Variants in DDX46 observed in about 807,000 individuals in gnomAD.
DDX46 encodes probable ATP-dependent RNA helicase DDX46.
In DDX46, 30 loss-of-function variants were observed where a neutral mutation model predicts 134.9. That is an observed-to-expected ratio of 0.22 (90% CI 0.17 to 0.30). The LOEUF (loss-of-function observed/expected upper bound fraction) is 0.30, where lower values mean the gene tolerates loss of function less well. Ranked by LOEUF, DDX46 falls within the 10% of genes least tolerant of loss-of-function variation. DDX46 has a pLI of 1.00. For missense variants in DDX46, 622 were observed against 1,248.7 expected (o/e 0.50, Z 7.56); for synonymous variants, 415 against 404.1 (o/e 1.03, Z -0.32).
At chr5:134,799,864 G>GTGAGA in intron 15 of DDX46, among the ~76,000 whole-genome samples, 1 of 151,916 alleles carries the variant, frequency 6.6e-6, no homozygotes, top group Non-Finnish European at 1.5e-5. Flanking sequence ...GGGCAACATA[G>GTGAGA]TGAGACTCTG....
Position 134,788,478 on chromosome 5 carries a change from AG to A in DDX46, c.1465-34del, listed in dbSNP as rs924165695. ...ATTTTTTAGTGTTTAAGTAAGCATTAGTAATAGACTATAAAGTTTCATCTTT... is the reference window on the plus strand; with the variant it reads ...ATTTTTTAGTGTTTAAGTAAGCATTATAATAGACTATAAAGTTTCATCTTT... On this transcript the variant is annotated intron_variant, in intron 11 of 22. Transcript: ENST00000452510. The A allele has an allele frequency of 1.9e-6, 3 of 1,549,716 alleles. No homozygotes were observed. The African/African-American group carries it at 4.1e-5, about 21-fold the overall frequency.
At chr5:134,798,573 C>G (rs1754737266) in intron 15 of DDX46, among the ~76,000 whole-genome samples, 1 of 152,226 alleles carries the variant, frequency 6.6e-6, no homozygotes, top group Non-Finnish European at 1.5e-5. Flanking sequence ...ACCTTCACTA[C>G]TGTCTATTTC....
chr5:134,759,166 G>T (rs1285452280), intron 1 of DDX46, among the ~76,000 whole-genome samples: 12 of 152,192 alleles, frequency 7.9e-5, no homozygotes, highest in African/African-American at 2.9e-4. Context: ...CCATCAGAGG[G>T]TTCGAGCCCC....
intron 21 of DDX46, chr5:134,826,137 G>A (rs983057115): frequency 6.6e-6 from 1 of 152,174 alleles, no homozygotes; most frequent in Non-Finnish European, 1.5e-5. Flanking sequence ...CCTAAAAGTG[G>A]TATTTAAAAG....
chr5:134,760,288 C>T (rs1306440620), intron 1 of DDX46, among the ~76,000 whole-genome samples: 3 of 152,136 alleles, frequency 2.0e-5, no homozygotes, highest in Non-Finnish European at 4.4e-5. Flanking sequence ...TGTGCATGGC[C>T]TGTGCTCTAG....
intron 16 of DDX46, among the ~76,000 whole-genome samples, chr5:134,809,872 G>T (rs768345591): frequency 5.9e-5 from 9 of 152,042 alleles, no homozygotes; most frequent in Non-Finnish European, 8.8e-5. Flanking sequence ...AATTAGCCGG[G>T]CATGGTGGCA....
At chr5:134,826,553 AT>A (rs1221743806) in intron 21 of DDX46, 1 of 154,908 alleles carries the variant, frequency 6.5e-6, no homozygotes, top group Non-Finnish European at 1.4e-5. Context: ...CTTCTGAAAC[AT>A]TTGTAGACTT....
rs1754602780 is a variant in DDX46, at chr5:134,794,845, C to T, written c.1627-5C>T. The T allele has an allele frequency of 6.2e-7, 1 of 1,612,322 alleles. No individual in the cohort carries two copies. Among genetic ancestry groups the T allele is most frequent in the Non-Finnish European group, 8.5e-7 (1 of 1,179,420 alleles). On this transcript the variant is annotated splice_region_variant and splice_polypyrimidine_tract_variant and intron_variant, in intron 13 of 22. Coordinates refer to ENST00000452510, the MANE Select transcript of DDX46 (RefSeq NM_001300860.2). ...TATTTATTTGTAATGTTTTCTTTTT[C>T]TCAGGTCATGCGCATCGTGGATAAT... is the stretch of plus-strand genomic sequence containing the variant.
intron 3 of DDX46, among the ~76,000 whole-genome samples, chr5:134,770,336 C>T (rs772020846): frequency 6.6e-6 from 1 of 151,924 alleles, no homozygotes; most frequent in East Asian, 1.9e-4. Context: ...TCTGCCTCCT[C>T]AGTAGGTAGG....
At chr5:134,762,341 C>T (rs1186431889) in intron 1 of DDX46, among the ~76,000 whole-genome samples, 1 of 151,854 alleles carries the variant, frequency 6.6e-6, no homozygotes, top group East Asian at 1.9e-4. Flanking sequence ...TTGCTGGGGC[C>T]CAGTAGGTTG....
chr5:134,761,621 A>G (rs1753389283), intron 1 of DDX46, among the ~76,000 whole-genome samples: 2 of 152,188 alleles, frequency 1.3e-5, no homozygotes. Context: ...TTTCAACTAT[A>G]TACTATATAT....
At chr5:134,787,489 C>T (rs554648994) in intron 11 of DDX46, among the ~76,000 whole-genome samples, 1 of 152,196 alleles carries the variant, frequency 6.6e-6, no homozygotes, top group Admixed American at 6.5e-5. Flanking sequence ...TACAAGAACA[C>T]ACTTCAAGAA....
intron 15 of DDX46, among the ~76,000 whole-genome samples, chr5:134,802,414 G>T (rs560865078): frequency 4.0e-5 from 6 of 151,442 alleles, no homozygotes; most frequent in Admixed American, 3.9e-4. Context: ...CACCCACCTC[G>T]GCCTCCCAAA....
At chr5:134,766,311 A>C (rs1753566138) in intron 2 of DDX46, among the ~76,000 whole-genome samples, 2 of 152,026 alleles carry the variant, frequency 1.3e-5, no homozygotes, top group South Asian at 4.2e-4. Context: ...TAATCCCAGC[A>C]CTTTGGGAGG....
intron 1 of DDX46, among the ~76,000 whole-genome samples, chr5:134,761,206 T>G (rs1046225437): frequency 6.6e-5 from 10 of 152,120 alleles, no homozygotes; most frequent in African/African-American, 2.4e-4. Flanking sequence ...TTGTATTTTT[T>G]GTAGAGACAG....
intron 6 of DDX46, among the ~76,000 whole-genome samples, chr5:134,780,130 GTGTGTGTGTATATGTATATATGTGCA>G (rs1754091186): frequency 6.8e-6 from 1 of 147,234 alleles, no homozygotes; most frequent in South Asian, 2.1e-4. Context: ...GTGTGTGTGT[GTGTGTGTGTATATGTATATATGTGCA>G]TGTATATGTG....
intron 21 of DDX46, among the ~76,000 whole-genome samples, chr5:134,825,363 A>G (rs1755562098): frequency 6.6e-6 from 1 of 152,146 alleles, no homozygotes; most frequent in Admixed American, 6.5e-5. Context: ...GTGGAGGTAT[A>G]GGATTTAAAT....
Position 134,817,728 on chromosome 5 carries a change from T to C in DDX46, c.2832+14T>C. On this transcript the variant is annotated intron_variant, in intron 20 of 22. Coordinates refer to ENST00000452510, the MANE Select transcript of DDX46 (RefSeq NM_001300860.2). ...GACTTCCCACAGGCAAGTAACAGGT[T>C]TAAACCTTTTTTTATTGTGAAGTAG... 1 of 1,603,786 alleles carries C rather than the reference T, an allele frequency of 6.2e-7. No individual in the cohort carries two copies. Among genetic ancestry groups the C allele is most frequent in the Non-Finnish European group, 8.5e-7 (1 of 1,174,968 alleles).
intron 21 of DDX46, among the ~76,000 whole-genome samples, chr5:134,825,592 G>A (rs763002277): frequency 3.9e-5 from 6 of 151,968 alleles, no homozygotes; most frequent in African/African-American, 7.3e-5. Context: ...AGCTCTCTAC[G>A]TTGCAAACCC....
Sources: gnomAD v4.1 joint callset for allele counts (sites outside exome capture counted in the v4.1 genomes callset) on GRCh38, gnomAD v4.1.1 for gene constraint, MANE v1.5 for transcripts, NCBI Gene and HGNC (gene_info 2026-07-23, HGNC 2026-07-21) for gene names.